LPP: variants seen among roughly 807,000 people sequenced by gnomAD.
LPP encodes the protein LIM domain containing preferred translocation partner in lipoma.
In LPP, 38 loss-of-function variants were observed where a neutral mutation model predicts 60.4. The observed-to-expected ratio is 0.63, with a 90% CI of 0.49 to 0.83. The LOEUF (loss-of-function observed/expected upper bound fraction) is 0.83, where lower values mean the gene tolerates loss of function less well. Ranked by LOEUF, LPP falls within the 40% of genes least tolerant of loss-of-function variation. The pLI is 0.00. For missense variants in LPP, 902 were observed against 783.6 expected, an observed-to-expected ratio of 1.15 and a Z score of -1.80; for synonymous variants, 328 against 290.8, an observed-to-expected ratio of 1.13 and a Z score of -1.30.
intron 2 of LPP, among the ~76,000 whole-genome samples, chr3:188,240,331 T>C (rs553440331): frequency 2.0e-5 from 3 of 149,750 alleles, no homozygotes; most frequent in South Asian, 2.1e-4. Context: ...GAGTCAGGAG[T>C]TTTGGGTAAG....
At chr3:188,517,208 C>G (rs1817613941) in intron 5 of LPP, among the ~76,000 whole-genome samples, 2 of 152,106 alleles carry the variant, frequency 1.3e-5, no homozygotes, top group African/African-American at 4.8e-5. Context: ...ACAAAGCCAG[C>G]AATTGGGAGA....
intron 8 of LPP, among the ~76,000 whole-genome samples, chr3:188,718,723 A>G (rs1294537064): frequency 6.6e-6 from 1 of 152,226 alleles, no homozygotes; most frequent in African/African-American, 2.4e-5. Flanking sequence ...TTAATGAACT[A>G]ATAAATGAAA....
Position 188,704,598 on chromosome 3 carries a change from C to T in LPP, c.1114-3669C>T, listed in dbSNP as rs544559453. Among the ~76,000 whole-genome samples, 7 of 152,290 alleles carry T rather than the reference C, an allele frequency of 4.6e-5. No homozygotes were observed. The East Asian group carries it at 1.2e-3, about 25-fold the overall frequency. On this transcript the variant is annotated intron_variant, in intron 7 of 11. Transcript: ENST00000617246. ...CTCTCCCATTCACCCTCTACTTCAG[C>T]GGGAACTTTCTAAATATGATTAGAA...
chr3:188,786,590 G>A (rs1174295661), intron 9 of LPP, among the ~76,000 whole-genome samples: 2 of 152,150 alleles, frequency 1.3e-5, no homozygotes, highest in African/African-American at 4.8e-5. Flanking sequence ...TTATCCCAGG[G>A]AAATGAAGAC....
intron 9 of LPP, among the ~76,000 whole-genome samples, chr3:188,854,197 A>G (rs1311279084): frequency 6.6e-6 from 1 of 152,238 alleles, no homozygotes; most frequent in Non-Finnish European, 1.5e-5. Context: ...CAGTTATAGA[A>G]TGGAAAACCC....
intron 2 of LPP, among the ~76,000 whole-genome samples, chr3:188,299,090 A>C (rs919710459): frequency 6.6e-6 from 1 of 152,198 alleles, no homozygotes; most frequent in Admixed American, 6.5e-5. Context: ...ACTCTTTATC[A>C]AAAAACCCAG....
At chr3:188,680,055 C>A (rs557466796) in intron 7 of LPP, among the ~76,000 whole-genome samples, 1 of 152,098 alleles carries the variant, frequency 6.6e-6, no homozygotes, top group Admixed American at 6.6e-5. Context: ...TCACTAGTGG[C>A]CCAAAGGAGC....
At chr3:188,411,497 T>C (rs1264087137) in intron 4 of LPP, among the ~76,000 whole-genome samples, 2 of 152,188 alleles carry the variant, frequency 1.3e-5, no homozygotes, top group Non-Finnish European at 2.9e-5. Context: ...AAAGATTTTA[T>C]AGTGTTAACT....
chr3:188,872,923 A>T (rs534825286), intron 11 of LPP, among the ~76,000 whole-genome samples, 160 bp downstream of exon 11: 1 of 152,326 alleles, frequency 6.6e-6, no homozygotes, highest in South Asian at 2.1e-4. Flanking sequence ...TTCCGAGCAC[A>T]TGCTGTTGAA....
intron 9 of LPP, among the ~76,000 whole-genome samples, chr3:188,849,130 A>G (rs918987166): frequency 3.9e-5 from 6 of 152,220 alleles, no homozygotes; most frequent in Admixed American, 1.3e-4. Context: ...TTCCTCTGCC[A>G]TGCCTAGCAT....
intron 6 of LPP, among the ~76,000 whole-genome samples, chr3:188,602,371 A>G (rs997868057): frequency 6.6e-6 from 1 of 150,994 alleles, no homozygotes; most frequent in African/African-American, 2.4e-5. Flanking sequence ...GTTAGGATAA[A>G]ATGATGATGT....
intron 6 of LPP, among the ~76,000 whole-genome samples, chr3:188,547,987 T>C (rs1232632222): frequency 1.3e-5 from 2 of 152,120 alleles, no homozygotes; most frequent in African/African-American, 4.8e-5. Context: ...ATGTCTAACC[T>C]TGGAGCACTC....
intron 2 of LPP, among the ~76,000 whole-genome samples, chr3:188,261,232 G>A (rs1733511608): frequency 6.6e-6 from 1 of 152,126 alleles, no homozygotes; most frequent in African/African-American, 2.4e-5. Context: ...CACTGTAGCT[G>A]CGAACTTCTG....
chr3:188,514,955 G>A (rs1816908452), intron 5 of LPP, among the ~76,000 whole-genome samples: 1 of 152,120 alleles, frequency 6.6e-6, no homozygotes, highest in African/African-American at 2.4e-5. Context: ...TCCTTTAAAG[G>A]AGATTTGGGT....
intron 9 of LPP, among the ~76,000 whole-genome samples, chr3:188,831,549 C>T (rs1436274056): frequency 1.3e-5 from 2 of 152,164 alleles, no homozygotes; most frequent in African/African-American, 4.8e-5. Flanking sequence ...AGGCAGGGAG[C>T]CTGGAGGACA....
At chr3:188,571,307 A>G (rs949686422) in intron 6 of LPP, among the ~76,000 whole-genome samples, 1 of 152,070 alleles carries the variant, frequency 6.6e-6, no homozygotes, top group African/African-American at 2.4e-5. Flanking sequence ...AAGATCTACC[A>G]CATGTATGTC....
chr3:188,714,907 A>G (rs1015631347), intron 8 of LPP, among the ~76,000 whole-genome samples: 1 of 152,174 alleles, frequency 6.6e-6, no homozygotes, highest in Non-Finnish European at 1.5e-5. Context: ...GGGAGGAAAC[A>G]TAGTAGAAAG....
chr3:188,727,172 G>T (rs1331402849), intron 8 of LPP, among the ~76,000 whole-genome samples: 2 of 152,140 alleles, frequency 1.3e-5, no homozygotes, highest in African/African-American at 4.8e-5. Flanking sequence ...AGCAAGTTTT[G>T]CTTCTCTTTG....
chr3:188,318,845 G>C (rs1422986527), intron 2 of LPP, among the ~76,000 whole-genome samples: 6 of 136,080 alleles, frequency 4.4e-5, no homozygotes, highest in Non-Finnish European at 9.2e-5. Flanking sequence ...TGCAAGCTCC[G>C]CCTCCCGGGT....
Sources: gnomAD v4.1 joint callset for allele counts (sites outside exome capture counted in the v4.1 genomes callset) on GRCh38, gnomAD v4.1.1 for gene constraint, MANE v1.5 for transcripts, NCBI Gene and HGNC (gene_info 2026-07-23, HGNC 2026-07-21) for gene names.